The following LTBP1 variants were observed in gnomAD, a reference collection of about 807,000 sequenced individuals.
The protein encoded by LTBP1 is latent transforming growth factor beta binding protein 1, also known as latent-transforming growth factor beta-binding protein 1.
LTBP1 carries 129 observed loss-of-function variants against 207.6 expected under a neutral mutation model. That is an observed-to-expected ratio of 0.62 (90% confidence interval 0.54 to 0.72). The LOEUF is 0.72. Ranked by LOEUF, LTBP1 falls within the 30% of genes least tolerant of loss-of-function variation. The probability of loss-of-function intolerance (pLI) is 0.00; values close to 1 mark genes in which losing one functional copy is unlikely to be tolerated. For missense variants in LTBP1, 2,281 were observed against 2,217.2 expected (o/e 1.03, Z -0.58); for synonymous variants, 963 against 833.7 (o/e 1.16, Z -2.67).
intron 11 of LTBP1, among the ~76,000 whole-genome samples, chr2:33,256,693 G>A (rs2092861446): frequency 9.7e-6 from 1 of 103,164 alleles, no homozygotes; most frequent in South Asian, 3.4e-4. Context: ...TTTTCTAATT[G>A]GTTGCTGATA....
At chr2:32,956,734 A>C (rs527833063) in intron 2 of LTBP1, among the ~76,000 whole-genome samples, 1 of 152,266 alleles carries the variant, frequency 6.6e-6, no homozygotes, top group East Asian at 1.9e-4. Context: ...AAGGTTTTCG[A>C]TTTACTTTGC....
intron 3 of LTBP1, among the ~76,000 whole-genome samples, chr2:33,047,358 A>C (rs114170050): frequency 0.039 from 5,890 of 152,190 alleles, 192 homozygotes; most frequent in Non-Finnish European, 0.066. Context: ...TTTCTGCCTT[A>C]ATTTCGTTAT....
intron 5 of LTBP1, 141 bp from the exon 6 acceptor site, chr2:33,186,715 A>C: frequency 3.1e-6 from 2 of 640,874 alleles, no homozygotes; most frequent in Non-Finnish European, 5.5e-6. Flanking sequence ...TAGCGAGTTT[A>C]CTCCTCTGTT....
intron 5 of LTBP1, among the ~76,000 whole-genome samples, chr2:33,170,836 CA>C (rs2085368214): frequency 1.3e-5 from 2 of 151,998 alleles, no homozygotes; most frequent in Non-Finnish European, 2.9e-5. Context: ...GATCAGACAG[CA>C]GCATTCGCGG....
At chr2:33,062,234 C>T (rs1425196436) in intron 3 of LTBP1, among the ~76,000 whole-genome samples, 1 of 152,050 alleles carries the variant, frequency 6.6e-6, no homozygotes, top group African/African-American at 2.4e-5. Flanking sequence ...CATACACACA[C>T]ACACACACAG....
chr2:33,258,162 C>A (rs747010595), intron 12 of LTBP1, among the ~76,000 whole-genome samples: 20 of 152,216 alleles, frequency 1.3e-4, no homozygotes, highest in Non-Finnish European at 2.2e-4. Flanking sequence ...TGGACTTTGA[C>A]TCTCTCTCTG....
At chr2:32,985,002 G>C (rs923858121) in intron 2 of LTBP1, among the ~76,000 whole-genome samples, 2 of 152,182 alleles carry the variant, frequency 1.3e-5, no homozygotes, top group Admixed American at 1.3e-4. Flanking sequence ...TTGATAACAT[G>C]TAAGACAAAT....
chr2:33,036,945 TA>T (rs143356667), intron 3 of LTBP1, among the ~76,000 whole-genome samples: 14,749 of 152,206 alleles, frequency 0.097, 955 homozygotes, highest in Non-Finnish European at 0.14. Flanking sequence ...AAAAAATGCT[TA>T]AAAGCCTCTT....
At chr2:33,290,252 C>G (rs530397405) in intron 19 of LTBP1, among the ~76,000 whole-genome samples, 1 of 152,350 alleles carries the variant, frequency 6.6e-6, no homozygotes, top group South Asian at 2.1e-4. Context: ...AGCACGACTT[C>G]CCTATGCTGC....
chr2:33,324,950 C>A (rs891286012), intron 24 of LTBP1, among the ~76,000 whole-genome samples: 5 of 152,276 alleles, frequency 3.3e-5, no homozygotes, highest in African/African-American at 1.2e-4. Flanking sequence ...TGTAATCCAC[C>A]CACCTCGGCC....
intron 9 of LTBP1, among the ~76,000 whole-genome samples, chr2:33,240,937 A>G (rs914654664): frequency 1.6e-4 from 24 of 152,106 alleles, no homozygotes; most frequent in Admixed American, 1.6e-3. Flanking sequence ...GGCGTGAGCC[A>G]CCGCGCCCGG....
chr2:33,183,018 GA>G (rs2086831728), intron 5 of LTBP1, among the ~76,000 whole-genome samples: 1 of 152,004 alleles, frequency 6.6e-6, no homozygotes, highest in Admixed American at 6.6e-5. Flanking sequence ...TAAAACTTGG[GA>G]ATAATTTCAA....
intron 5 of LTBP1, among the ~76,000 whole-genome samples, chr2:33,170,357 G>A (rs780710555): frequency 9.4e-5 from 13 of 138,844 alleles, no homozygotes; most frequent in African/African-American, 1.3e-4. Context: ...ATTATATCCC[G>A]CACCTGGCTC....
chr2:32,996,710 C>T (rs1269287048), intron 2 of LTBP1, among the ~76,000 whole-genome samples: 5 of 152,068 alleles, frequency 3.3e-5, no homozygotes, highest in African/African-American at 1.2e-4. Context: ...GTTATTATCA[C>T]CCACATTACA....
chr2:33,292,843 C>G (rs1402768499), intron 19 of LTBP1, among the ~76,000 whole-genome samples: 1 of 152,166 alleles, frequency 6.6e-6, no homozygotes, highest in African/African-American at 2.4e-5. Flanking sequence ...AAAATGCTTT[C>G]TTGTAGAGAT....
At chr2:33,191,559 A>C (rs2087880064) in intron 7 of LTBP1, among the ~76,000 whole-genome samples, 1 of 152,248 alleles carries the variant, frequency 6.6e-6, no homozygotes, top group Non-Finnish European at 1.5e-5. Flanking sequence ...AGGGTGAACC[A>C]GGCATTTAAA....
intron 9 of LTBP1, among the ~76,000 whole-genome samples, chr2:33,224,110 A>ATAATCC (rs2091295559): frequency 6.6e-6 from 1 of 152,180 alleles, no homozygotes; most frequent in Admixed American, 6.5e-5. Flanking sequence ...CTAACCTTAT[A>ATAATCC]TGCTGTTCAG....
intron 3 of LTBP1, among the ~76,000 whole-genome samples, chr2:33,035,626 C>G (rs905930461): frequency 5.9e-5 from 9 of 152,174 alleles, no homozygotes; most frequent in Admixed American, 2.0e-4. Flanking sequence ...AAAAGCATAT[C>G]AAATCACTGT....
rs187908512 is a variant in LTBP1 at position 33,019,363 on chromosome 2, G to A, written c.566-1546G>A. ...TTTTTTTTTTTTTTTTTGAGACCAA[G>A]TTTCCCTCTGTCATCCAGGCTGCAA... On this transcript the variant is annotated intron_variant, in intron 2 of 33. Transcript: ENST00000404816. Among the ~76,000 whole-genome samples, 510 of 101,474 alleles carry A rather than the reference G, an allele frequency of 5.0e-3. 8 individuals carry two copies. The highest frequency in any genetic ancestry group is 0.019 in the African/African-American group (495 of 26,104). The allele number at this position is 101,474 out of a possible 152,430, so 66.6% of individuals were successfully genotyped here. A position where few individuals can be genotyped will look rare whatever the true frequency, so the allele number is the denominator to read the frequency against.
Sources: allele counts gnomAD v4.1 joint callset (sites outside exome capture counted in the v4.1 genomes callset), GRCh38; gene constraint gnomAD v4.1.1; transcripts MANE v1.5; gene names NCBI Gene and HGNC (gene_info 2026-07-23, HGNC 2026-07-21).